RHOQ: variants seen among roughly 807,000 people sequenced by gnomAD.
RHOQ encodes the protein rho-related GTP-binding protein RhoQ.
RHOQ carries 7 observed loss-of-function variants against 25.8 expected under a neutral mutation model. That is an observed-to-expected ratio of 0.27 (90% CI 0.15 to 0.51). RHOQ has a LOEUF of 0.51. Among genes scored for constraint, RHOQ ranks in the 20% least tolerant of loss-of-function variants. The pLI is 0.97. For missense variants in RHOQ, 165 were observed against 260.6 expected, an observed-to-expected ratio of 0.63 and a Z score of 2.53; for synonymous variants, 97 against 98.6, an observed-to-expected ratio of 0.98 and a Z score of 0.10.
At position 46,543,044 on chromosome 2, in the gene RHOQ, A is replaced by G; in HGVS notation, c.-3A>G. ...CCATGCCCGGAGGCCGGCCGGCAGC[A>G]GCATGGCTCACGGGCCCGGCGCGCT... is the stretch of plus-strand genomic sequence containing the variant. On this transcript the variant is annotated 5_prime_UTR_variant, in exon 1 of 5. Transcript: ENST00000238738. 3 of 1,589,218 alleles carry G rather than the reference A, an allele frequency of 1.9e-6. No individual in the cohort carries two copies. Among genetic ancestry groups the G allele is most frequent in the Non-Finnish European group, 2.6e-6 (3 of 1,170,336 alleles).
chr2:46,551,944 A>T (rs571949088), intron 2 of RHOQ, among the ~76,000 whole-genome samples: 12 of 152,322 alleles, frequency 7.9e-5, no homozygotes, highest in Admixed American at 1.3e-4. Flanking sequence ...GCTCCAGGCC[A>T]CACGGTTGGT....
chr2:46,560,392 C>G, intron 2 of RHOQ: 1 of 323,490 alleles, frequency 3.1e-6, no homozygotes, highest in Non-Finnish European at 6.3e-6. Context: ...GTTCAGTTGG[C>G]TGGGACTTAA....
At chr2:46,574,995 G>A (rs1669063740) in intron 2 of RHOQ, among the ~76,000 whole-genome samples, 1 of 152,116 alleles carries the variant, frequency 6.6e-6, no homozygotes, top group Non-Finnish European at 1.5e-5. Flanking sequence ...TGCCAAAAAT[G>A]GAATCCGGAC....
Position 46,543,028 on chromosome 2 carries a change from G to T in RHOQ, c.-19G>T. The T allele has an allele frequency of 1.3e-6, 2 of 1,565,650 alleles. No individual in the cohort carries two copies. The highest frequency in any genetic ancestry group is 2.3e-5 in the South Asian group (2 of 86,754). The stretch of plus-strand genomic sequence containing the variant: ...GGGGGCTCCGGGGGGACCATGCCCG[G>T]AGGCCGGCCGGCAGCAGCATGGCTC... On this transcript the variant is annotated 5_prime_UTR_variant, in exon 1 of 5. Coordinates refer to ENST00000238738, the MANE Select transcript of RHOQ (RefSeq NM_012249.4).
At chr2:46,564,830 G>T (rs571641707) in intron 2 of RHOQ, among the ~76,000 whole-genome samples, 35 of 152,334 alleles carry the variant, frequency 2.3e-4, no homozygotes, top group African/African-American at 8.2e-4. Flanking sequence ...TGTCAGAGCT[G>T]GGATGTCTGT....
chr2:46,542,532 G>A lies in RHOQ; in HGVS notation c.-515G>A, dbSNP rs1203026168. On this transcript the variant is annotated 5_prime_UTR_variant, in exon 1 of 5. Coordinates refer to ENST00000238738, the MANE Select transcript of RHOQ (RefSeq NM_012249.4). ...TCCGCGCGGCCCTCGCAGGGAGTGGGGCTCGGGTGCGCCGGCAGGGCCGCG... is the reference window on the plus strand; with the variant it reads ...TCCGCGCGGCCCTCGCAGGGAGTGGAGCTCGGGTGCGCCGGCAGGGCCGCG... The A allele has an allele frequency of 6.7e-6, 1 of 149,148 alleles. No individual in the cohort carries two copies. Among genetic ancestry groups the A allele is most frequent in the Non-Finnish European group, 1.5e-5 (1 of 67,330 alleles). The allele number at this position is 149,148 out of a possible 1,614,324, so 9.2% of individuals were successfully genotyped here.
intron 1 of RHOQ, 69 bp downstream of exon 1, chr2:46,543,257 G>C: frequency 6.4e-7 from 1 of 1,574,688 alleles, no homozygotes; most frequent in Non-Finnish European, 8.7e-7. Flanking sequence ...CTTTGGCGGA[G>C]CCCCCTCGCC....
Position 46,583,069 on chromosome 2 carries a change from A to T in RHOQ, c.*1986A>T, listed in dbSNP as rs914880254. ...ATTAACATATTAGCTGAGTTGTCCA[A>T]CACATGGTATAAACGAATTACAACA... On this transcript the variant is annotated 3_prime_UTR_variant, in exon 5 of 5. Transcript: ENST00000238738. 2 of 152,214 alleles carry T rather than the reference A, an allele frequency of 1.3e-5. No homozygotes were observed. The highest frequency in any genetic ancestry group is 2.4e-5 in the African/African-American group (1 of 41,464). The allele number at this position is 152,214 out of a possible 1,614,324, so 9.4% of individuals were successfully genotyped here.
chr2:46,560,994 C>T (rs1668557365), intron 2 of RHOQ, among the ~76,000 whole-genome samples: 2 of 130,674 alleles, frequency 1.5e-5, no homozygotes, highest in Admixed American at 1.6e-4. Context: ...CTACTATAGA[C>T]CCCATAAACA....
chr2:46,581,222 T>C lies in RHOQ; in HGVS notation c.*139T>C. Reference sequence around the variant, plus strand: ...AACAAAACCTGTCCTCAGAATTCTATAAAGTGTATTAAGAATGTTCCTTAA... The same window carrying C: ...AACAAAACCTGTCCTCAGAATTCTACAAAGTGTATTAAGAATGTTCCTTAA... On this transcript the variant is annotated 3_prime_UTR_variant, in exon 5 of 5. Coordinates refer to ENST00000238738, the MANE Select transcript of RHOQ (RefSeq NM_012249.4). 2 of 968,022 alleles carry C rather than the reference T, an allele frequency of 2.1e-6. No individual in the cohort carries two copies. Among genetic ancestry groups the C allele is most frequent in the Non-Finnish European group, 3.0e-6 (2 of 669,982 alleles). 60.0% of individuals were successfully genotyped at this position (968,022 alleles called of 1,614,324 possible).
chr2:46,565,840 T>G (rs575771054), intron 2 of RHOQ, among the ~76,000 whole-genome samples: 7 of 152,290 alleles, frequency 4.6e-5, no homozygotes, highest in Non-Finnish European at 1.0e-4. Flanking sequence ...AAGGGGAAGA[T>G]GCAGATCAGA....
At chr2:46,578,745 G>A (rs1669231680) in intron 4 of RHOQ, among the ~76,000 whole-genome samples, 1 of 151,996 alleles carries the variant, frequency 6.6e-6, no homozygotes, top group African/African-American at 2.4e-5. Flanking sequence ...GACAGAGTGA[G>A]ACCCTGTCTC....
At chr2:46,546,491 T>C (rs1008196429) in intron 2 of RHOQ, among the ~76,000 whole-genome samples, 15 of 24,350 alleles carry the variant, frequency 6.2e-4, no homozygotes, top group East Asian at 4.3e-3. Flanking sequence ...TATATATATA[T>C]ATATATATAT....
At chr2:46,557,731 TCTC>T (rs1273957252) in intron 2 of RHOQ, among the ~76,000 whole-genome samples, 1 of 152,180 alleles carries the variant, frequency 6.6e-6, no homozygotes, top group African/African-American at 2.4e-5. Flanking sequence ...CCTCTTTACT[TCTC>T]CTGCAGAAAA....
At position 46,580,767 on chromosome 2, in the gene RHOQ, A is replaced by C. The variant is rs1669334374; in HGVS notation, c.463-161A>C. ...TCATAGAAAGTCTGGAAGGACATAT[A>C]CTAGTATTTTAAAATCCCCTCTGGG... On this transcript the variant is annotated intron_variant, in intron 4 of 4. Coordinates refer to ENST00000238738, the MANE Select transcript of RHOQ (RefSeq NM_012249.4). 1.0e-5 allele frequency: 5 copies of C among 478,384 alleles called. No individual in the cohort carries two copies. The East Asian group carries it at 1.7e-4, about 17-fold the overall frequency. 29.6% of individuals were successfully genotyped at this position (478,384 alleles called of 1,614,324 possible).
rs541981654 is a variant in RHOQ, at chr2:46,582,972, T to C, written c.*1889T>C. 1.3e-5 allele frequency: 2 copies of C among 152,302 alleles called. No homozygotes were observed. The highest frequency in any genetic ancestry group is 4.1e-4 in the South Asian group (2 of 4,826). The allele number at this position is 152,302 out of a possible 1,614,324, so 9.4% of individuals were successfully genotyped here. A position where few individuals can be genotyped will look rare whatever the true frequency, so the allele number is the denominator to read the frequency against. ...TGGCCTTATGTATGCTCAAATGGAA[T>C]CTTATGTAACTTTCTTATTTAATTT... On this transcript the variant is annotated 3_prime_UTR_variant, in exon 5 of 5. Coordinates refer to ENST00000238738, the MANE Select transcript of RHOQ (RefSeq NM_012249.4).
chr2:46,564,956 G>T (rs950978922), intron 2 of RHOQ, among the ~76,000 whole-genome samples: 13 of 152,214 alleles, frequency 8.5e-5, no homozygotes, highest in Non-Finnish European at 1.8e-4. Context: ...TATGTAGAGG[G>T]AGCCCTGAAT....
chr2:46,575,034 T>C (rs914412560), intron 2 of RHOQ, among the ~76,000 whole-genome samples: 2 of 152,152 alleles, frequency 1.3e-5, no homozygotes, highest in Non-Finnish European at 1.5e-5. Flanking sequence ...TGTAAATAAG[T>C]AGAATTTTGT....
At chr2:46,578,108 C>A (rs539487256) in intron 4 of RHOQ, among the ~76,000 whole-genome samples, 2 of 152,182 alleles carry the variant, frequency 1.3e-5, no homozygotes, top group African/African-American at 2.4e-5. Flanking sequence ...ATTCACCCCC[C>A]AAAATGCAGA....
Sources: gnomAD v4.1 joint callset for allele counts (sites outside exome capture counted in the v4.1 genomes callset) on GRCh38, gnomAD v4.1.1 for gene constraint, MANE v1.5 for transcripts, NCBI Gene and HGNC (gene_info 2026-07-23, HGNC 2026-07-21) for gene names.